Variants in KAZN observed in about 807,000 individuals in gnomAD.
KAZN encodes kazrin.
A neutral mutation model predicts 87.4 loss-of-function variants in KAZN; 40 were observed. The observed-to-expected ratio is 0.46, with a 90% CI of 0.36 to 0.60. The LOEUF (loss-of-function observed/expected upper bound fraction) is 0.60, where lower values mean the gene tolerates loss of function less well. Ranked by LOEUF, KAZN falls within the 20% of genes least tolerant of loss-of-function variation. The pLI is 0.00. For missense variants in KAZN, 898 were observed against 1,073.9 expected, an observed-to-expected ratio of 0.84 and a Z score of 2.29; for synonymous variants, 466 against 458.3, an observed-to-expected ratio of 1.02 and a Z score of -0.22.
intron 2 of KAZN, among the ~76,000 whole-genome samples, chr1:14,272,343 C>T (rs1165737891): frequency 1.3e-5 from 2 of 152,154 alleles, no homozygotes; most frequent in Non-Finnish European, 2.9e-5. Context: ...AGCAGCCAGG[C>T]CTTTTACTGT....
At chr1:14,841,345 G>A (rs915995170) in intron 1 of KAZN, among the ~76,000 whole-genome samples, 8 of 141,402 alleles carry the variant, frequency 5.7e-5, no homozygotes, top group Non-Finnish European at 9.0e-5. Flanking sequence ...GGCGGAGCTT[G>A]CAGTGAGCCG....
chr1:14,194,990 T>C (rs1646496951), intron 2 of KAZN, among the ~76,000 whole-genome samples: 1 of 152,150 alleles, frequency 6.6e-6, no homozygotes, highest in African/African-American at 2.4e-5. Context: ...ATAGTTCTCA[T>C]TTTCAAGGAG....
chr1:14,459,895 C>CTCTT (rs544214196), intron 2 of KAZN, among the ~76,000 whole-genome samples: 5 of 151,958 alleles, frequency 3.3e-5, no homozygotes, highest in African/African-American at 1.2e-4. Context: ...GATTTTTTTT[C>CTCTT]TCTTTCTTTC....
intron 2 of KAZN, among the ~76,000 whole-genome samples, chr1:14,397,008 C>T (rs977374683): frequency 1.3e-5 from 2 of 152,062 alleles, no homozygotes; most frequent in Non-Finnish European, 2.9e-5. Context: ...TCAGTGATGT[C>T]CATGACTTTG....
chr1:14,845,558 G>GAT (rs1648645230), intron 1 of KAZN, among the ~76,000 whole-genome samples: 3 of 147,478 alleles, frequency 2.0e-5, no homozygotes, highest in African/African-American at 7.6e-5. Context: ...TAGATGGGTG[G>GAT]GTGGATGGAT....
At chr1:14,114,855 C>T (rs1043005675) in intron 1 of KAZN, among the ~76,000 whole-genome samples, 9 of 152,276 alleles carry the variant, frequency 5.9e-5, no homozygotes, top group East Asian at 3.9e-4. Context: ...GTGCTGTTAC[C>T]GTTCCCATTT....
At chr1:15,031,076 G>C (rs1304387957) in intron 2 of KAZN, among the ~76,000 whole-genome samples, 1 of 152,202 alleles carries the variant, frequency 6.6e-6, no homozygotes, top group Non-Finnish European at 1.5e-5. Context: ...AGGATTGGAC[G>C]TTCAGGACAA....
intron 2 of KAZN, among the ~76,000 whole-genome samples, chr1:14,494,989 G>A (rs1669865140): frequency 6.6e-6 from 1 of 152,056 alleles, no homozygotes; most frequent in Non-Finnish European, 1.5e-5. Flanking sequence ...TCTAAGGAAG[G>A]AAAAACAAAA....
intron 1 of KAZN, among the ~76,000 whole-genome samples, chr1:14,754,599 C>T (rs945944977): frequency 6.6e-6 from 1 of 152,148 alleles, no homozygotes; most frequent in Non-Finnish European, 1.5e-5. Context: ...CGCCACCACA[C>T]TCCAGCCTGG....
chr1:14,777,217 C>T (rs548141212), intron 1 of KAZN, among the ~76,000 whole-genome samples: 25 of 151,818 alleles, frequency 1.6e-4, no homozygotes, highest in South Asian at 8.3e-4. Context: ...AGGATGGTCT[C>T]GAGCTCCTGA....
intron 2 of KAZN, among the ~76,000 whole-genome samples, chr1:14,982,998 G>C (rs893390691): frequency 2.6e-5 from 4 of 152,180 alleles, no homozygotes; most frequent in African/African-American, 9.7e-5. Flanking sequence ...GGGAGCTGCC[G>C]GCCCCGCAGC....
At chr1:15,107,890 T>C (rs961222118) in intron 13 of KAZN, among the ~76,000 whole-genome samples, 1 of 152,150 alleles carries the variant, frequency 6.6e-6, no homozygotes, top group African/African-American at 2.4e-5. Flanking sequence ...GTAGCTTTGT[T>C]CCAAAGGTTC....
At chr1:14,409,611 AAC>A (rs1167920101) in intron 2 of KAZN, among the ~76,000 whole-genome samples, 14 of 152,212 alleles carry the variant, frequency 9.2e-5, no homozygotes, top group Admixed American at 2.6e-4. Context: ...ATAAGAAGCC[AAC>A]ACAAAACGGC....
intron 1 of KAZN, among the ~76,000 whole-genome samples, chr1:14,004,546 A>G (rs1249236503): frequency 6.6e-6 from 1 of 152,226 alleles, no homozygotes; most frequent in Non-Finnish European, 1.5e-5. Context: ...GGCACACTGC[A>G]GCAATGGGGT....
chr1:14,393,052 T>C (rs980101964), intron 2 of KAZN, among the ~76,000 whole-genome samples: 6 of 152,210 alleles, frequency 3.9e-5, no homozygotes, highest in Admixed American at 1.3e-4. Context: ...CCTTCCGGAC[T>C]GTTCTCTGCT....
intron 2 of KAZN, among the ~76,000 whole-genome samples, chr1:14,275,685 T>C (rs751815809): frequency 6.6e-6 from 1 of 152,230 alleles, no homozygotes; most frequent in African/African-American, 2.4e-5. Flanking sequence ...AATTTATTTA[T>C]ACATTTTAGA....
chr1:14,168,515 T>C (rs1001897567), intron 1 of KAZN, among the ~76,000 whole-genome samples: 1 of 152,198 alleles, frequency 6.6e-6, no homozygotes, highest in Admixed American at 6.5e-5. Flanking sequence ...GTGGCCTTTT[T>C]TGCTGACTTT....
chr1:14,617,853 T>C (rs1313564515), intron 1 of KAZN, among the ~76,000 whole-genome samples: 1 of 152,198 alleles, frequency 6.6e-6, no homozygotes, highest in African/African-American at 2.4e-5. Context: ...TGTCCTCATT[T>C]ATTTTGTGGT....
chr1:14,721,166 T>C (rs1572315211), intron 1 of KAZN, among the ~76,000 whole-genome samples: 1 of 152,188 alleles, frequency 6.6e-6, no homozygotes, highest in Non-Finnish European at 1.5e-5. Context: ...TCGTCTTGAA[T>C]TGTGGTTCCC....
Sources: allele counts gnomAD v4.1 joint callset (sites outside exome capture counted in the v4.1 genomes callset), GRCh38; gene constraint gnomAD v4.1.1; transcripts MANE v1.5; gene names NCBI Gene and HGNC (gene_info 2026-07-23, HGNC 2026-07-21).